MDGA2: variants seen among roughly 807,000 people sequenced by gnomAD.
The protein encoded by MDGA2 is MAM domain containing glycosylphosphatidylinositol anchor 2.
Under a neutral mutation model 117.8 loss-of-function variants are expected in MDGA2, and 40 were observed. The ratio of observed to expected loss-of-function variants is 0.34; its 90% CI spans 0.26 to 0.44. MDGA2 has a LOEUF of 0.44. Among genes scored for constraint, MDGA2 ranks in the 20% least tolerant of loss-of-function variants. MDGA2 has a pLI of 1.00. For missense variants in MDGA2, 1,123 were observed against 1,250.6 expected (o/e 0.90, Z 1.54); for synonymous variants, 452 against 439.0 (o/e 1.03, Z -0.37).
intron 1 of MDGA2, among the ~76,000 whole-genome samples, chr14:47,454,862 G>GA (rs140616204): frequency 0.31 from 47,040 of 151,894 alleles, 7,610 homozygotes; most frequent in South Asian, 0.53. Flanking sequence ...ATGACTTTGA[G>GA]AAAAGATTAA....
intron 10 of MDGA2, among the ~76,000 whole-genome samples, chr14:46,894,734 T>C (rs1199959569): frequency 6.6e-6 from 1 of 152,164 alleles, no homozygotes; most frequent in Non-Finnish European, 1.5e-5. Context: ...CCCCCTACCA[T>C]GTATTTATTA....
chr14:47,243,207 G>A (rs904826568), intron 2 of MDGA2, among the ~76,000 whole-genome samples: 11 of 151,580 alleles, frequency 7.3e-5, no homozygotes, highest in African/African-American at 9.7e-5. Context: ...GGGCCTTGGA[G>A]AACCTGTGTG....
At chr14:47,413,991 T>C (rs780309819) in intron 1 of MDGA2, among the ~76,000 whole-genome samples, 10 of 152,100 alleles carry the variant, frequency 6.6e-5, no homozygotes, top group Non-Finnish European at 1.2e-4. Flanking sequence ...AGATGCAGGC[T>C]TTCTAGGATG....
At chr14:47,063,835 G>T (rs1001666001) in intron 6 of MDGA2, among the ~76,000 whole-genome samples, 2 of 151,848 alleles carry the variant, frequency 1.3e-5, no homozygotes, top group Admixed American at 6.6e-5. Flanking sequence ...GATATATGTT[G>T]GTTGCATATG....
At position 46,920,041 on chromosome 14, in the gene MDGA2, T is replaced by C; in HGVS notation, c.2209A>G (p.Ile737Val). Reference protein sequence around the residue: ...TQMNPDAVDRIVAYRLGIRQA... With the variant: ...TQMNPDAVDRVVAYRLGIRQA... ...CTGATGCCCAACCGGTATGCAACAA[T>C]CCGATCCACTGCATCAGGATTCATC... is the stretch of plus-strand genomic sequence containing the variant. The change falls in exon 10 of 17, where the codon ATT (isoleucine) becomes GTT (valine). Residue 737 changes from isoleucine (I) to valine (V), a missense_variant. This residue lies in a region of MDGA2 where 890 missense variants were observed against 1,050.3 expected (regional missense o/e 0.85). Coordinates refer to ENST00000399232, the MANE Select transcript of MDGA2 (RefSeq NM_001113498.3). The C allele has an allele frequency of 6.3e-7, 1 of 1,589,684 alleles. No homozygotes were observed. The highest frequency in any genetic ancestry group is 8.5e-7 in the Non-Finnish European group (1 of 1,170,842).
intron 10 of MDGA2, among the ~76,000 whole-genome samples, chr14:46,907,064 C>G (rs1883526266): frequency 6.6e-6 from 1 of 151,208 alleles, no homozygotes; most frequent in South Asian, 2.1e-4. Context: ...GCAACCTCCA[C>G]CTCCCAGGTT....
At chr14:47,525,484 A>C (rs1337888159) in intron 1 of MDGA2, among the ~76,000 whole-genome samples, 1 of 152,134 alleles carries the variant, frequency 6.6e-6, no homozygotes, top group Admixed American at 6.5e-5. Flanking sequence ...CAGGAGTTTG[A>C]GACTAGCCTG....
chr14:47,447,535 A>G (rs1439423733), intron 1 of MDGA2, among the ~76,000 whole-genome samples: 4 of 152,190 alleles, frequency 2.6e-5, no homozygotes, highest in Admixed American at 6.5e-5. Flanking sequence ...GACAGGAGAC[A>G]CAGCAATAAA....
chr14:46,950,488 C>A (rs1408173400), intron 9 of MDGA2, among the ~76,000 whole-genome samples: 1 of 151,902 alleles, frequency 6.6e-6, no homozygotes, highest in African/African-American at 2.4e-5. Flanking sequence ...ATATCATTTT[C>A]TGCTTAAAGT....
intron 1 of MDGA2, among the ~76,000 whole-genome samples, chr14:47,442,954 A>G (rs1454395711): frequency 6.6e-6 from 1 of 152,210 alleles, no homozygotes; most frequent in South Asian, 2.1e-4. Flanking sequence ...TCACTTAACC[A>G]TCTCAGTTAT....
At chr14:47,494,143 T>A (rs1357397232) in intron 1 of MDGA2, among the ~76,000 whole-genome samples, 1 of 152,184 alleles carries the variant, frequency 6.6e-6, no homozygotes, top group Non-Finnish European at 1.5e-5. Flanking sequence ...TGATTGTAAG[T>A]TTCCTGAGGC....
At position 47,475,783 on chromosome 14, in the gene MDGA2, A is replaced by C. The variant is rs564584576; in HGVS notation, c.281-174233T>G. 7.9e-5 allele frequency among the ~76,000 whole-genome samples: 12 copies of C among 152,348 alleles called. No individual in the cohort carries two copies. In the East Asian group the frequency reaches 2.1e-3, roughly 27 times the overall value. ...AGGGGGAGCTGAACTATGAGAACAC[A>C]TGAACACAGTAGTAGAGGGAACAAA... On this transcript the variant is annotated intron_variant, in intron 1 of 16. Coordinates refer to ENST00000399232, the MANE Select transcript of MDGA2 (RefSeq NM_001113498.3).
intron 1 of MDGA2, among the ~76,000 whole-genome samples, chr14:47,543,050 A>G (rs1895384531): frequency 6.6e-6 from 1 of 152,136 alleles, no homozygotes; most frequent in South Asian, 2.1e-4. Context: ...TCTTTACAAA[A>G]AAATAGAAAA....
At chr14:47,206,397 C>A (rs1594721929) in intron 3 of MDGA2, among the ~76,000 whole-genome samples, 1 of 151,540 alleles carries the variant, frequency 6.6e-6, no homozygotes, top group East Asian at 1.9e-4. Flanking sequence ...TTGAGATTAG[C>A]CTGGTTAACA....
At chr14:47,511,175 G>A (rs192822707) in intron 1 of MDGA2, among the ~76,000 whole-genome samples, 1 of 152,226 alleles carries the variant, frequency 6.6e-6, no homozygotes, top group East Asian at 1.9e-4. Context: ...AAGACCTTCA[G>A]TAAACAAACC....
At chr14:47,337,428 A>C (rs1038465587) in intron 1 of MDGA2, among the ~76,000 whole-genome samples, 7 of 152,070 alleles carry the variant, frequency 4.6e-5, no homozygotes, top group African/African-American at 1.7e-4. Flanking sequence ...ATCTGTTTAT[A>C]AATTAGAGCT....
rs746447485 is a variant in MDGA2, at chr14:47,364,511, G to A, written c.281-62961C>T. 2.0e-5 allele frequency among the ~76,000 whole-genome samples: 3 copies of A among 152,114 alleles called. No individual in the cohort carries two copies. The East Asian group carries it at 5.8e-4, about 29-fold the overall frequency. On this transcript the variant is annotated intron_variant, in intron 1 of 16. Coordinates refer to ENST00000399232, the MANE Select transcript of MDGA2 (RefSeq NM_001113498.3). ...GATCTCCTGACATTGTGATCCACCC[G>A]CCTCGGCCTCCCAACGTGCTGGGAT...
At chr14:47,137,812 T>C (rs951319474) in intron 4 of MDGA2, among the ~76,000 whole-genome samples, 2 of 152,132 alleles carry the variant, frequency 1.3e-5, no homozygotes, top group South Asian at 4.1e-4. Context: ...TCAGCTATCA[T>C]GGGATTGGAG....
At chr14:47,601,399 T>TAA (rs1566535516) in intron 1 of MDGA2, among the ~76,000 whole-genome samples, 4 of 151,622 alleles carry the variant, frequency 2.6e-5, no homozygotes, top group African/African-American at 9.7e-5. Flanking sequence ...GCAAATTTTT[T>TAA]TAAAAAAAAA....
Sources: gnomAD v4.1 joint callset for allele counts (sites outside exome capture counted in the v4.1 genomes callset) on GRCh38, gnomAD v4.1.1 for gene constraint, gnomAD v4.1.1 regional missense constraint, MANE v1.5 for transcripts, NCBI Gene and HGNC (gene_info 2026-07-23, HGNC 2026-07-21) for gene names.